Variants in PTPN3 observed in about 807,000 individuals in gnomAD.
PTPN3 encodes the protein tyrosine-protein phosphatase non-receptor type 3.
Under a neutral mutation model 132.7 loss-of-function variants are expected in PTPN3, and 96 were observed. The observed-to-expected ratio is 0.72, with a 90% confidence interval of 0.61 to 0.86. The LOEUF is 0.86. Ranked by LOEUF, PTPN3 falls within the 40% of genes least tolerant of loss-of-function variation. PTPN3 has a pLI of 0.00. For missense variants in PTPN3, 1,125 were observed against 1,159.6 expected, an observed-to-expected ratio of 0.97 and a Z score of 0.43; for synonymous variants, 398 against 429.0, an observed-to-expected ratio of 0.93 and a Z score of 0.89.
intron 1 of PTPN3, among the ~76,000 whole-genome samples, chr9:109,466,193 C>T (rs1846092756): frequency 6.6e-6 from 1 of 152,016 alleles, no homozygotes; most frequent in Admixed American, 6.5e-5. Context: ...TAGTAAATGT[C>T]CGAATGAATG....
intron 19 of PTPN3, among the ~76,000 whole-genome samples, chr9:109,398,550 G>A (rs751402620): frequency 2.9e-4 from 44 of 152,246 alleles, no homozygotes; most frequent in African/African-American, 9.9e-4. Flanking sequence ...TGGAGGGGCC[G>A]GGTATCTGAG....
At chr9:109,509,585 G>A in the PTPN3 span, among the ~76,000 whole-genome samples, 1 of 152,206 alleles carries the variant, frequency 6.6e-6, no homozygotes, top group Non-Finnish European at 1.5e-5. Flanking sequence ...GAGTGAATTA[G>A]TTGACATTGG....
At chr9:109,425,004 G>T (rs1262349782) in intron 12 of PTPN3, among the ~76,000 whole-genome samples, 1 of 152,208 alleles carries the variant, frequency 6.6e-6, no homozygotes, top group Non-Finnish European at 1.5e-5. Context: ...CATGGTTTCA[G>T]TTGCCTCCCC....
chr9:109,397,687 C>T (rs1320361284), intron 19 of PTPN3: 1 of 152,182 alleles, frequency 6.6e-6, no homozygotes, highest in Non-Finnish European at 1.5e-5. Flanking sequence ...TTGGGACCTT[C>T]CATAGTGCCC....
rs761447839 is a variant in PTPN3 at position 109,422,810 on chromosome 9, C to T, written c.1044G>A (p.Met348Ile). ...NQYCKKVIGG[M>I]VWNPAMRRSL... is the part of the protein sequence containing the mutation. ...ATCTCCGCATGGCTGGGTTCCACAC[C>T]ATCCCGCCAATCACCTTTTTGCAAT... The change falls in exon 13 of 26, where the codon ATG becomes ATA. Residue 348 changes from methionine (M) to isoleucine (I), a missense_variant. Met to Ile is a conservative substitution (Grantham distance 10). Transcript: ENST00000374541. The T allele has an allele frequency of 2.5e-6, 4 of 1,612,880 alleles. No individual in the cohort carries two copies. Among genetic ancestry groups the T allele is most frequent in the Non-Finnish European group, 3.4e-6 (4 of 1,179,002 alleles).
rs896385737 is a variant in PTPN3 at position 109,376,098 on chromosome 9, A to G, written c.*3458T>C. ...AATGTGACATGTCTCTGTAGCAGCCATAAAGCTTTGGTTTAGGATTAATTT... is the reference window on the plus strand; with the variant it reads ...AATGTGACATGTCTCTGTAGCAGCCGTAAAGCTTTGGTTTAGGATTAATTT... On this transcript the variant is annotated 3_prime_UTR_variant, in exon 26 of 26. Coordinates refer to ENST00000374541, the MANE Select transcript of PTPN3 (RefSeq NM_002829.4). 4 of 152,236 alleles carry G rather than the reference A, an allele frequency of 2.6e-5. No individual in the cohort carries two copies. Among genetic ancestry groups the G allele is most frequent in the African/African-American group, 9.6e-5 (4 of 41,458 alleles). 9.4% of individuals were successfully genotyped at this position (152,236 alleles called of 1,614,324 possible). A position where few individuals can be genotyped will look rare whatever the true frequency, so the allele number is the denominator to read the frequency against.
chr9:109,449,188 CT>C, intron 5 of PTPN3: 1 of 1,102,738 alleles, frequency 9.1e-7, no homozygotes, highest in Non-Finnish European at 1.1e-6. Flanking sequence ...GTGAGCGCCC[CT>C]GCCCTTGAGG....
intron 2 of PTPN3, among the ~76,000 whole-genome samples, chr9:109,461,814 T>G (rs189964228): frequency 6.6e-6 from 1 of 152,052 alleles, no homozygotes; most frequent in Admixed American, 6.5e-5. Context: ...AATTGCCACA[T>G]GCGGCTGGGG....
At chr9:109,379,654 G>C in intron 25 of PTPN3, 21 bp from the exon 26 acceptor site, 12 of 1,594,328 alleles carry the variant, frequency 7.5e-6, no homozygotes, top group Non-Finnish European at 1.0e-5. Flanking sequence ...AAAAAATGCT[G>C]TCAAGTCCTG....
At chr9:109,516,460 G>A in the PTPN3 span, among the ~76,000 whole-genome samples, 1 of 152,156 alleles carries the variant, frequency 6.6e-6, no homozygotes, top group South Asian at 2.1e-4. Context: ...CTACAGAAAG[G>A]GGAGAACATT....
chr9:109,414,335 C>G (rs1021968848), intron 14 of PTPN3, among the ~76,000 whole-genome samples: 1 of 152,210 alleles, frequency 6.6e-6, no homozygotes, highest in East Asian at 1.9e-4. Context: ...CTGTGTGGGT[C>G]TGAGATTCTG....
At chr9:109,451,858 G>C (rs1471924451) in intron 5 of PTPN3, among the ~76,000 whole-genome samples, 1 of 152,216 alleles carries the variant, frequency 6.6e-6, no homozygotes, top group Non-Finnish European at 1.5e-5. Flanking sequence ...TAGTGTTATG[G>C]GAAGGCAGGA....
chr9:109,531,993 C>T, the PTPN3 span, among the ~76,000 whole-genome samples: 9 of 152,148 alleles, frequency 5.9e-5, no homozygotes, highest in South Asian at 6.2e-4. Context: ...ATTATGGATA[C>T]CAAAGAATGC....
chr9:109,477,337 C>G (rs1846726279), intron 1 of PTPN3, among the ~76,000 whole-genome samples: 1 of 152,162 alleles, frequency 6.6e-6, no homozygotes, highest in Non-Finnish European at 1.5e-5. Flanking sequence ...CTTCTTGCCC[C>G]CTAATTAACT....
At chr9:109,478,480 G>A (rs1252511415) in intron 1 of PTPN3, among the ~76,000 whole-genome samples, 1 of 152,178 alleles carries the variant, frequency 6.6e-6, no homozygotes, top group Non-Finnish European at 1.5e-5. Flanking sequence ...AGAATCCACA[G>A]TAAACCCAGA....
intron 1 of PTPN3, among the ~76,000 whole-genome samples, chr9:109,476,592 G>A (rs1217496107): frequency 1.3e-5 from 2 of 152,234 alleles, no homozygotes; most frequent in East Asian, 3.9e-4. Context: ...TCTTTGCTTG[G>A]GAGTACTCTG....
Position 109,449,262 on chromosome 9 carries a change from A to G in PTPN3, c.369-407T>C, listed in dbSNP as rs946471484. On this transcript the variant is annotated intron_variant, in intron 5 of 25. Coordinates refer to ENST00000374541, the MANE Select transcript of PTPN3 (RefSeq NM_002829.4). ...CACACTGGCAGGGCCACTGTTCTGA[A>G]CACTGTGCCAGGATCCATCCACCCA... 1.3e-5 allele frequency: 13 copies of G among 1,008,594 alleles called. No individual in the cohort carries two copies. In the African/African-American group the frequency reaches 1.9e-4, roughly 15 times the overall value. The allele number at this position is 1,008,594 out of a possible 1,614,324, so 62.5% of individuals were successfully genotyped here. A position where few individuals can be genotyped will look rare whatever the true frequency, so the allele number is the denominator to read the frequency against.
intron 14 of PTPN3, among the ~76,000 whole-genome samples, chr9:109,411,698 G>A (rs1842090434): frequency 6.6e-6 from 1 of 152,088 alleles, no homozygotes; most frequent in Admixed American, 6.5e-5. Flanking sequence ...CCTTATCCAT[G>A]GATTTTTTAT....
the PTPN3 span, among the ~76,000 whole-genome samples, chr9:109,526,248 C>T: frequency 5.3e-5 from 8 of 151,038 alleles, no homozygotes; most frequent in Admixed American, 3.3e-4. Flanking sequence ...AAATCATGTT[C>T]ATGGATTAGA....
Sources: gnomAD v4.1 joint callset for allele counts (sites outside exome capture counted in the v4.1 genomes callset) on GRCh38, gnomAD v4.1.1 for gene constraint, MANE v1.5 for transcripts, NCBI Gene and HGNC (gene_info 2026-07-23, HGNC 2026-07-21) for gene names.